BRI3BP: variants seen among roughly 807,000 people sequenced by gnomAD.
The protein encoded by BRI3BP is BRI3 binding protein, also known as BRI3-binding protein.
In BRI3BP, 7 loss-of-function variants were observed where a neutral mutation model predicts 15.8. That is an observed-to-expected ratio of 0.44 (90% CI 0.25 to 0.83). The LOEUF (loss-of-function observed/expected upper bound fraction) is 0.83, where lower values mean the gene tolerates loss of function less well. Among genes scored for constraint, BRI3BP ranks in the 40% least tolerant of loss-of-function variants. The pLI is 0.20. For synonymous variants in BRI3BP, 192 were observed against 163.5 expected, an observed-to-expected ratio of 1.17 and a Z score of -1.33; for missense variants, 320 against 339.3, an observed-to-expected ratio of 0.94 and a Z score of 0.45.
At chr12:125,006,930 G>A (rs1357971110) in intron 1 of BRI3BP, among the ~76,000 whole-genome samples, 1 of 152,144 alleles carries the variant, frequency 6.6e-6, no homozygotes, top group African/African-American at 2.4e-5. Flanking sequence ...TGGGCGCGGT[G>A]GGTCACGCCT....
At chr12:125,043,312 G>C in the BRI3BP span, among the ~76,000 whole-genome samples, 1 of 152,120 alleles carries the variant, frequency 6.6e-6, no homozygotes, top group Non-Finnish European at 1.5e-5. Flanking sequence ...CTGAACGTCT[G>C]CTGCTCAACG....
chr12:125,009,629 G>GGGT (rs752828235), intron 1 of BRI3BP, among the ~76,000 whole-genome samples: 22 of 133,058 alleles, frequency 1.7e-4, no homozygotes, highest in East Asian at 6.7e-4. Context: ...TGGGGGGGGG[G>GGGT]TCTCATTTTG....
At chr12:125,014,926 C>T (rs1448027357) in intron 2 of BRI3BP, among the ~76,000 whole-genome samples, 1 of 152,188 alleles carries the variant, frequency 6.6e-6, no homozygotes, top group African/African-American at 2.4e-5. Context: ...GCCACCACAC[C>T]TGGCTAATTT....
downstream of BRI3BP, among the ~76,000 whole-genome samples, chr12:125,033,888 GCACACCAC>G (rs1039892503): frequency 4.0e-5 from 6 of 151,552 alleles, no homozygotes; most frequent in African/African-American, 1.5e-4. Context: ...GATTACAGGC[GCACACCAC>G]CACACCCAGC....
At chr12:125,033,500 C>A (rs1192641869), downstream of BRI3BP, among the ~76,000 whole-genome samples, 2 of 152,112 alleles carry the variant, frequency 1.3e-5, no homozygotes, top group African/African-American at 4.8e-5. Flanking sequence ...CCATTCCCCA[C>A]ATTTTTCTTC....
chr12:125,023,247 A>G (rs1345459035), intron 2 of BRI3BP, among the ~76,000 whole-genome samples: 2 of 152,082 alleles, frequency 1.3e-5, no homozygotes. Context: ...GCTCTGATGC[A>G]TGTGGTGCTC....
the BRI3BP span, among the ~76,000 whole-genome samples, chr12:125,038,421 C>T: frequency 5.5e-4 from 84 of 152,276 alleles, 1 homozygote; most frequent in African/African-American, 1.9e-3. Context: ...AATGAGTTCT[C>T]AAACTTAAAA....
At chr12:125,034,415 T>C (rs957732870), downstream of BRI3BP, among the ~76,000 whole-genome samples, 1 of 152,170 alleles carries the variant, frequency 6.6e-6, no homozygotes, top group Non-Finnish European at 1.5e-5. Flanking sequence ...AAGCTGCACA[T>C]GTTTGAATGT....
At chr12:125,007,205 C>T (rs1487326787) in intron 1 of BRI3BP, among the ~76,000 whole-genome samples, 1 of 151,628 alleles carries the variant, frequency 6.6e-6, no homozygotes, top group Non-Finnish European at 1.5e-5. Context: ...TCTCCGCCCC[C>T]CCCAAATAAA....
chr12:125,024,982 G>T lies in BRI3BP; in HGVS notation c.317-9G>T. The stretch of plus-strand genomic sequence containing the variant: ...GTAACGAGCCCTGTTCCTCTTTTCT[G>T]TCCCGCAGTCTCCAACCTGTCCCAG... On this transcript the variant is annotated splice_polypyrimidine_tract_variant and intron_variant, in intron 2 of 2. Coordinates refer to ENST00000341446, the MANE Select transcript of BRI3BP (RefSeq NM_080626.6). 6.2e-7 allele frequency: 1 copy of T among 1,607,050 alleles called. No individual in the cohort carries two copies. Among genetic ancestry groups the T allele is most frequent in the South Asian group, 1.1e-5 (1 of 90,520 alleles).
At chr12:125,008,450 C>T (rs1359520647) in intron 1 of BRI3BP, among the ~76,000 whole-genome samples, 1 of 151,870 alleles carries the variant, frequency 6.6e-6, no homozygotes. Context: ...GTAGCTGGGA[C>T]TACAGGCGCC....
At chr12:125,033,761 G>C (rs980599100), downstream of BRI3BP, among the ~76,000 whole-genome samples, 2 of 127,556 alleles carry the variant, frequency 1.6e-5, no homozygotes, top group African/African-American at 6.0e-5. Context: ...TTTTTTTTTT[G>C]AAACAGAGTC....
intron 2 of BRI3BP, among the ~76,000 whole-genome samples, chr12:125,022,541 A>ATTTTTTTTTTTTTTTTTTTTTT (rs770844998): frequency 1.4e-5 from 2 of 139,434 alleles, no homozygotes; most frequent in African/African-American, 5.8e-5. Context: ...TTATTTATTT[A>ATTTTTTTTTTTTTTTTTTTTTT]TTTTTTGAGA....
At chr12:125,003,956 AAC>A (rs202194939) in intron 1 of BRI3BP, among the ~76,000 whole-genome samples, 1,692 of 38,040 alleles carry the variant, frequency 0.044, 14 homozygotes, top group South Asian at 0.17. Flanking sequence ...CCATCTCAAA[AAC>A]ACACACACAC....
chr12:125,025,044 C>G lies in BRI3BP; in HGVS notation c.370C>G (p.Arg124Gly). 1.9e-6 allele frequency: 3 copies of G among 1,613,470 alleles called. No individual in the cohort carries two copies. The highest frequency in any genetic ancestry group is 2.5e-6 in the Non-Finnish European group (3 of 1,180,014). ...SPASVSSSPA[R>G]ALLLVGVVLL... ...AGCCTCGGTGTCCAGCAGCCCGGCCCGCGCGCTCCTGCTGGTCGGCGTCGT... is the reference window on the plus strand; with the variant it reads ...AGCCTCGGTGTCCAGCAGCCCGGCCGGCGCGCTCCTGCTGGTCGGCGTCGT... Residue 124 changes from arginine (R) to glycine (G), a missense_variant, in exon 3 of 3, where the codon CGC (arginine) becomes GGC (glycine). Arg to Gly is a moderately radical substitution (Grantham distance 125). Coordinates refer to ENST00000341446, the MANE Select transcript of BRI3BP (RefSeq NM_080626.6).
chr12:124,998,503 C>T (rs1054178976), intron 1 of BRI3BP, among the ~76,000 whole-genome samples: 4 of 151,916 alleles, frequency 2.6e-5, no homozygotes, highest in Admixed American at 2.0e-4. Flanking sequence ...AAGCCAGTCA[C>T]GAAAGGGCAC....
chr12:125,050,777 A>G, the BRI3BP span, among the ~76,000 whole-genome samples: 1 of 152,212 alleles, frequency 6.6e-6, no homozygotes, highest in Non-Finnish European at 1.5e-5. Flanking sequence ...GGGGTGGGGT[A>G]AGGCTCCTAA....
the BRI3BP span, among the ~76,000 whole-genome samples, chr12:125,050,266 C>G: frequency 1.3e-5 from 2 of 151,940 alleles, no homozygotes; most frequent in South Asian, 4.2e-4. Context: ...AGGAAAATCG[C>G]TTAAACCCGG....
chr12:124,999,018 C>T (rs989986376), intron 1 of BRI3BP, among the ~76,000 whole-genome samples: 1 of 152,076 alleles, frequency 6.6e-6, no homozygotes, highest in Non-Finnish European at 1.5e-5. Flanking sequence ...GTTGAGACTA[C>T]AGTGAGCTGT....
Sources: gnomAD v4.1 joint callset for allele counts (sites outside exome capture counted in the v4.1 genomes callset) on GRCh38, gnomAD v4.1.1 for gene constraint, MANE v1.5 for transcripts, NCBI Gene and HGNC (gene_info 2026-07-23, HGNC 2026-07-21) for gene names.